Variants in CILK1 observed in about 807,000 individuals in gnomAD.
CILK1 encodes serine/threonine-protein kinase ICK.
Under a neutral mutation model 79.2 loss-of-function variants are expected in CILK1, and 47 were observed. The ratio of observed to expected loss-of-function variants is 0.59; its 90% CI spans 0.47 to 0.76. CILK1 has a LOEUF of 0.76. Among genes scored for constraint, CILK1 ranks in the 30% least tolerant of loss-of-function variants. The probability of loss-of-function intolerance (pLI) is 0.00; values close to 1 mark genes in which losing one functional copy is unlikely to be tolerated. For synonymous variants in CILK1, 266 were observed against 275.9 expected (o/e 0.96, Z 0.36); for missense variants, 660 against 769.5 (o/e 0.86, Z 1.68).
At chr6:53,013,632 G>A (rs752446071) in intron 9 of CILK1, 30 bp downstream of exon 9, 14 of 1,600,086 alleles carry the variant, frequency 8.7e-6, no homozygotes, top group East Asian at 6.7e-5. Flanking sequence ...AAACAGACAC[G>A]AAGCTCACTG....
intron 1 of CILK1, among the ~76,000 whole-genome samples, chr6:53,051,137 C>A (rs1318072516): frequency 6.6e-6 from 1 of 152,172 alleles, no homozygotes; most frequent in Non-Finnish European, 1.5e-5. Context: ...AGGAAGGAGT[C>A]ACTTTGTGGA....
intron 1 of CILK1, among the ~76,000 whole-genome samples, chr6:53,060,163 T>C (rs933953499): frequency 6.6e-6 from 1 of 152,318 alleles, no homozygotes; most frequent in South Asian, 2.1e-4. Flanking sequence ...AGGGCTCTGA[T>C]GATGTTGAAC....
chr6:53,030,598 T>C (rs758058583), intron 5 of CILK1, among the ~76,000 whole-genome samples: 4 of 152,236 alleles, frequency 2.6e-5, no homozygotes, highest in Non-Finnish European at 5.9e-5. Context: ...TCTCTTTTTT[T>C]AGTTTGCTAA....
chr6:53,005,186 C>G lies in CILK1; in HGVS notation c.1862G>C (p.Arg621Pro), dbSNP rs374825741. Residue 621 changes from arginine (R) to proline (P), a missense_variant, in exon 14 of 14, where the codon CGG becomes CCG. Transcript: ENST00000676107. ...TGCGTACTTGGAAGCCCAGTCTGTC[C>G]GGCCATGCACTGGCTGGGCGGCTGG... ...RPPAAQPVHG[R>P]TDWASKYASR... The G allele has an allele frequency of 6.2e-7, 1 of 1,614,172 alleles. No homozygotes were observed. The highest frequency in any genetic ancestry group is 2.2e-5 in the East Asian group (1 of 44,886).
At chr6:53,011,486 C>A (rs1386311677) in intron 11 of CILK1, among the ~76,000 whole-genome samples, 1 of 152,116 alleles carries the variant, frequency 6.6e-6, no homozygotes, top group African/African-American at 2.4e-5. Flanking sequence ...GTAGTCCCAG[C>A]TACTCAGAAG....
rs747258449 is a variant in CILK1 at position 53,019,395 on chromosome 6, AAG to A, written c.359-38_359-37del. 3 of 1,612,506 alleles carry A rather than the reference AAG, an allele frequency of 1.9e-6. No homozygotes were observed. The African/African-American group carries it at 4.0e-5, about 21-fold the overall frequency. On this transcript the variant is annotated intron_variant, in intron 5 of 13. Transcript: ENST00000676107. ...AGTAGAGGAGAAGAAATCCAAATGC[AAG>A]TTTGCTTCGTATTATTCTTTGCAAT...
intron 1 of CILK1, among the ~76,000 whole-genome samples, chr6:53,058,542 C>T (rs1403131902): frequency 6.6e-6 from 1 of 152,030 alleles, no homozygotes; most frequent in Non-Finnish European, 1.5e-5. Flanking sequence ...ATAAGTCATC[C>T]GGCACACACA....
intron 5 of CILK1, among the ~76,000 whole-genome samples, 178 bp downstream of exon 5, chr6:53,030,887 G>A (rs1321869539): frequency 2.0e-5 from 3 of 152,192 alleles, no homozygotes; most frequent in Non-Finnish European, 4.4e-5. Context: ...AATAAGTAAT[G>A]AGGGAAATTC....
intron 2 of CILK1, among the ~76,000 whole-genome samples, chr6:53,040,527 G>C (rs1562034780): frequency 6.6e-6 from 1 of 152,194 alleles, no homozygotes; most frequent in African/African-American, 2.4e-5. Context: ...TTCTTCCCCA[G>C]TCCAATCTTT....
At chr6:53,006,732 G>A (rs1270341165) in intron 12 of CILK1, among the ~76,000 whole-genome samples, 1 of 152,142 alleles carries the variant, frequency 6.6e-6, no homozygotes, top group Non-Finnish European at 1.5e-5. Flanking sequence ...ATTTTCTTTT[G>A]TAAAAGTAGA....
intron 5 of CILK1, among the ~76,000 whole-genome samples, chr6:53,029,984 T>A (rs1430372515): frequency 6.6e-6 from 1 of 152,152 alleles, no homozygotes; most frequent in African/African-American, 2.4e-5. Flanking sequence ...TCACAAGAAG[T>A]ATTGATCCAA....
In CILK1 at chr6:53,001,473, T is replaced by A. The variant is rs535031709; in HGVS notation, c.*3676A>T. On this transcript the variant is annotated 3_prime_UTR_variant, in exon 14 of 14. Coordinates refer to ENST00000676107, the MANE Select transcript of CILK1 (RefSeq NM_014920.5). ...CTCGTTATTATGAATATGTGCTTTA[T>A]AAATAAATATATTGTCGGTTACTCC... 17 of 152,672 alleles carry A rather than the reference T, an allele frequency of 1.1e-4. No individual in the cohort carries two copies. The East Asian group carries it at 3.3e-3, about 29-fold the overall frequency. The allele number at this position is 152,672 out of a possible 1,614,324, so 9.5% of individuals were successfully genotyped here.
chr6:53,008,316 T>C (rs1027103240), intron 12 of CILK1, among the ~76,000 whole-genome samples: 1 of 152,008 alleles, frequency 6.6e-6, no homozygotes, highest in Non-Finnish European at 1.5e-5. Flanking sequence ...CTATGAAGTT[T>C]ATACAAACCT....
chr6:53,050,050 T>G (rs368370443), intron 1 of CILK1, among the ~76,000 whole-genome samples: 92 of 152,144 alleles, frequency 6.0e-4, no homozygotes, highest in African/African-American at 2.2e-3. Flanking sequence ...GAAAAAAGGT[T>G]TCAGCACTCT....
chr6:53,015,253 G>C (rs1764826262), intron 8 of CILK1, among the ~76,000 whole-genome samples: 1 of 152,156 alleles, frequency 6.6e-6, no homozygotes, highest in African/African-American at 2.4e-5. Context: ...AGTTGAGAAG[G>C]GGCCAGATGT....
intron 3 of CILK1, among the ~76,000 whole-genome samples, chr6:53,033,875 T>C (rs1308891765): frequency 6.6e-6 from 1 of 152,174 alleles, no homozygotes; most frequent in Non-Finnish European, 1.5e-5. Flanking sequence ...AATAAGACTC[T>C]CTGGAGCTTC....
chr6:53,055,099 G>T (rs1349357088), intron 1 of CILK1, among the ~76,000 whole-genome samples: 2 of 152,198 alleles, frequency 1.3e-5, no homozygotes, highest in Non-Finnish European at 2.9e-5. Flanking sequence ...CTTAGAAGGA[G>T]CTTGTCTCCC....
chr6:53,060,685 C>T (rs1768373014), intron 1 of CILK1, among the ~76,000 whole-genome samples: 1 of 152,290 alleles, frequency 6.6e-6, no homozygotes, highest in East Asian at 1.9e-4. Context: ...ATATTAACTC[C>T]CAGCACAGTT....
chr6:53,005,063 T>C lies in CILK1; in HGVS notation c.*86A>G. ...AGTGTTGATTTGCTTTTATGCCCTC[T>C]GCACATCTTGCAGGTAGAACACCAG... On this transcript the variant is annotated 3_prime_UTR_variant, in exon 14 of 14. Coordinates refer to ENST00000676107, the MANE Select transcript of CILK1 (RefSeq NM_014920.5). 4.1e-6 allele frequency: 6 copies of C among 1,453,560 alleles called. No homozygotes were observed. Among genetic ancestry groups the C allele is most frequent in the Non-Finnish European group, 5.8e-6 (6 of 1,038,784 alleles). 90.0% of individuals were successfully genotyped at this position (1,453,560 alleles called of 1,614,324 possible).
Sources: allele counts gnomAD v4.1 joint callset (sites outside exome capture counted in the v4.1 genomes callset), GRCh38; gene constraint gnomAD v4.1.1; transcripts MANE v1.5; gene names NCBI Gene and HGNC (gene_info 2026-07-23, HGNC 2026-07-21).